The following ZNF462 variants were observed in gnomAD, a reference collection of about 807,000 sequenced individuals.
ZNF462 encodes zinc finger PBX1-interacting protein.
A neutral mutation model predicts 201.9 loss-of-function variants in ZNF462; 10 were observed. That is an observed-to-expected ratio of 0.05 (90% confidence interval 0.03 to 0.08). The LOEUF is 0.08. ZNF462 is among the 10% of genes least tolerant of loss of function. The pLI is 1.00. For missense variants in ZNF462, 2,523 were observed against 3,168.3 expected (o/e 0.80, Z 4.89); for synonymous variants, 1,227 against 1,193.3 (o/e 1.03, Z -0.58).
intron 10 of ZNF462, among the ~76,000 whole-genome samples, chr9:106,996,942 A>G (rs572871711): frequency 1.1e-4 from 16 of 152,284 alleles, no homozygotes; most frequent in African/African-American, 3.8e-4. Context: ...ACTAGGTGAG[A>G]CAAGTTTAAA....
rs1281703634 is a variant in ZNF462, at chr9:106,984,761, A to G, written c.7056+352A>G. Among the ~76,000 whole-genome samples, 3 of 152,348 alleles carry G rather than the reference A, an allele frequency of 2.0e-5. No homozygotes were observed. The highest frequency in any genetic ancestry group is 7.2e-5 in the African/African-American group (3 of 41,592). On this transcript the variant is annotated intron_variant, in intron 10 of 12. Transcript: ENST00000277225. This position sits in a 1 kb window ranked among gnomAD's most constrained non-coding sequence, Gnocchi z 6.4. ...TTTTAAAGCTTATTCTAAAAGAAGT[A>G]TTTTGCTATGTTATTTGAAATGTTA...
rs2132214089 is a variant in ZNF462, at chr9:106,981,315, G to A, written c.6833-2871G>A. On this transcript the variant is annotated intron_variant, in intron 9 of 12. Coordinates refer to ENST00000277225, the MANE Select transcript of ZNF462 (RefSeq NM_021224.6). This position sits in a 1 kb window ranked among gnomAD's most constrained non-coding sequence, Gnocchi z 4.0. ...AGCTTTTGCATTTTTTAAATATTAT[G>A]AATGAAAGGCTTATAAGCACACACA... Among the ~76,000 whole-genome samples the A allele has an allele frequency of 6.6e-6, 1 of 152,230 alleles. No individual in the cohort carries two copies. Among genetic ancestry groups the A allele is most frequent in the East Asian group, 1.9e-4 (1 of 5,170 alleles).
chr9:106,869,625 G>A (rs1361619335), intron 1 of ZNF462, among the ~76,000 whole-genome samples: 3 of 152,208 alleles, frequency 2.0e-5, no homozygotes, highest in Non-Finnish European at 4.4e-5. Context: ...CACAGTTAAC[G>A]CTGTAAACAG....
intron 10 of ZNF462, among the ~76,000 whole-genome samples, chr9:106,999,789 G>T (rs1458497953): frequency 3.9e-5 from 6 of 152,226 alleles, no homozygotes; most frequent in African/African-American, 1.2e-4. Context: ...TTATATAAAA[G>T]AAACTATTTT....
At chr9:106,909,426 C>T (rs1026893884) in intron 1 of ZNF462, among the ~76,000 whole-genome samples, 8 of 151,906 alleles carry the variant, frequency 5.3e-5, no homozygotes, top group African/African-American at 1.9e-4. Context: ...AATTTTAGTT[C>T]TAAATGTAAG....
chr9:106,868,628 A>T (rs888105522), intron 1 of ZNF462, among the ~76,000 whole-genome samples: 2 of 152,188 alleles, frequency 1.3e-5, no homozygotes, highest in Admixed American at 6.5e-5. Context: ...ATTTAGATGA[A>T]GTCTCCTCCT....
Position 106,923,487 on chromosome 9 carries a change from A to T in ZNF462, c.104A>T (p.Asp35Val). The change falls in exon 2 of 13, where the codon GAT (aspartate) becomes GTT (valine). Residue 35 changes from aspartate (D) to valine (V), a missense_variant. This residue lies in a region of ZNF462 where 480 missense variants were observed against 544.4 expected (regional missense o/e 0.88). Transcript: ENST00000277225. This position sits in a 1 kb window ranked among gnomAD's most constrained non-coding sequence, Gnocchi z 5.6. Reference protein sequence around the residue: ...DVHTAFLQPTDVAEDNVNELR... With the variant: ...DVHTAFLQPTVVAEDNVNELR... Reference sequence around the variant, plus strand: ...CACACGGCATTTCTGCAGCCAACTGATGTTGCTGAGGACAATGTGAATGAG... The same window carrying T: ...CACACGGCATTTCTGCAGCCAACTGTTGTTGCTGAGGACAATGTGAATGAG... The T allele has an allele frequency of 9.3e-6, 15 of 1,614,190 alleles. No homozygotes were observed. The highest frequency in any genetic ancestry group is 1.3e-5 in the Non-Finnish European group (15 of 1,180,044).
intron 7 of ZNF462, among the ~76,000 whole-genome samples, chr9:106,949,510 T>C (rs951482790): frequency 1.3e-5 from 2 of 152,172 alleles, no homozygotes; most frequent in African/African-American, 4.8e-5. Context: ...AACTAACTTC[T>C]CCCTTCCTCC....
intron 1 of ZNF462, among the ~76,000 whole-genome samples, chr9:106,907,080 C>T (rs1829303616): frequency 6.6e-6 from 1 of 152,060 alleles, no homozygotes; most frequent in African/African-American, 2.4e-5. Flanking sequence ...TCTTTTTTGA[C>T]ATTTTAATAT....
At chr9:106,990,736 G>A (rs548212818) in intron 10 of ZNF462, among the ~76,000 whole-genome samples, 1 of 151,988 alleles carries the variant, frequency 6.6e-6, no homozygotes, top group South Asian at 2.1e-4. Context: ...CAATTGTTAG[G>A]TTTATGAGAC....
At chr9:106,864,053 T>C (rs7858112) in intron 1 of ZNF462, among the ~76,000 whole-genome samples, 126 of 60,008 alleles carry the variant, frequency 2.1e-3, no homozygotes, top group Non-Finnish European at 4.0e-3. Flanking sequence ...TCTCTCTCTC[T>C]CTCTCTCTCT....
chr9:106,879,670 C>CAGA (rs1828005151), intron 1 of ZNF462, among the ~76,000 whole-genome samples: 1 of 152,128 alleles, frequency 6.6e-6, no homozygotes, highest in Non-Finnish European at 1.5e-5. Context: ...CATTGTGCTG[C>CAGA]AGCTGTAGTT....
chr9:106,908,527 G>A (rs905006485), intron 1 of ZNF462, among the ~76,000 whole-genome samples: 13 of 151,740 alleles, frequency 8.6e-5, no homozygotes, highest in Non-Finnish European at 1.3e-4. Flanking sequence ...CAAACTTTTT[G>A]TATCATTTTA....
At position 106,954,036 on chromosome 9, in the gene ZNF462, C is replaced by T. The variant is rs1288692946; in HGVS notation, c.6427+14929C>T. 6.6e-6 allele frequency among the ~76,000 whole-genome samples: 1 copy of T among 152,182 alleles called. No homozygotes were observed. Among genetic ancestry groups the T allele is most frequent in the Non-Finnish European group, 1.5e-5 (1 of 68,042 alleles). On this transcript the variant is annotated intron_variant, in intron 7 of 12. Coordinates refer to ENST00000277225, the MANE Select transcript of ZNF462 (RefSeq NM_021224.6). The surrounding 1 kb of genome is among the most constrained non-coding windows in gnomAD (Gnocchi z 4.0). ...GCCATTAATTACCATGTTTATCCCACCTGCAAAGTCCTCCATTCATTCTAT... is the reference window on the plus strand; with the variant it reads ...GCCATTAATTACCATGTTTATCCCATCTGCAAAGTCCTCCATTCATTCTAT...
At position 106,895,616 on chromosome 9, in the gene ZNF462, ACT is replaced by A. The variant is rs542935051; in HGVS notation, c.-30-27737_-30-27736del. Among the ~76,000 whole-genome samples the A allele has an allele frequency of 3.3e-5, 5 of 152,164 alleles. No homozygotes were observed. The highest frequency in any genetic ancestry group is 7.3e-5 in the Non-Finnish European group (5 of 68,028). ...GGGAGGGAAGGCTCTGACATTTGAA[ACT>A]GGATAGATCTTACGTTATTTAATCC... On this transcript the variant is annotated intron_variant, in intron 1 of 12. Coordinates refer to ENST00000277225, the MANE Select transcript of ZNF462 (RefSeq NM_021224.6). This position sits in a 1 kb window ranked among gnomAD's most constrained non-coding sequence, Gnocchi z 4.4.
Position 107,012,183 on chromosome 9 carries a change from C to G in ZNF462, c.*1153C>G, listed in dbSNP as rs937404105. On this transcript the variant is annotated 3_prime_UTR_variant, in exon 13 of 13. Transcript: ENST00000277225. The stretch of plus-strand genomic sequence containing the variant: ...ACAGCTATGCAGCTTGTGGGCCAGA[C>G]GAGGAGGTCCTCCTCACCCTTTTGT... 1 of 144,034 alleles carries G rather than the reference C, an allele frequency of 6.9e-6. No homozygotes were observed. Among genetic ancestry groups the G allele is most frequent in the Non-Finnish European group, 1.5e-5 (1 of 67,080 alleles). The allele number at this position is 144,034 out of a possible 1,614,324, so 8.9% of individuals were successfully genotyped here. A position where few individuals can be genotyped will look rare whatever the true frequency, so the allele number is the denominator to read the frequency against.
At chr9:106,985,150 C>G (rs1827740662) in intron 10 of ZNF462, among the ~76,000 whole-genome samples, 1 of 152,114 alleles carries the variant, frequency 6.6e-6, no homozygotes, top group African/African-American at 2.4e-5. Context: ...TGACTATGTT[C>G]CAGTAAAAGT....
intron 7 of ZNF462, among the ~76,000 whole-genome samples, chr9:106,955,275 C>T (rs953377102): frequency 6.6e-6 from 1 of 152,100 alleles, no homozygotes; most frequent in African/African-American, 2.4e-5. Flanking sequence ...ATATAAAAGT[C>T]ATACAAATCT....
chr9:106,922,623 T>G (rs546339262), intron 1 of ZNF462, among the ~76,000 whole-genome samples: 40 of 152,164 alleles, frequency 2.6e-4, no homozygotes, highest in Non-Finnish European at 5.4e-4. Flanking sequence ...CCAAAGTTGG[T>G]TGTTTGAAAA....
Sources: gnomAD v4.1 joint callset for allele counts (sites outside exome capture counted in the v4.1 genomes callset) on GRCh38, gnomAD v4.1.1 for gene constraint, gnomAD v4.1.1 regional missense constraint, Gnocchi (gnomAD v3.1) non-coding constraint, MANE v1.5 for transcripts, NCBI Gene and HGNC (gene_info 2026-07-23, HGNC 2026-07-21) for gene names.